The following UNC5D variants were observed in gnomAD, a reference collection of about 807,000 sequenced individuals.
The protein encoded by UNC5D is netrin receptor UNC5D.
In UNC5D, 39 loss-of-function variants were observed where a neutral mutation model predicts 105.4. That is an observed-to-expected ratio of 0.37 (90% CI 0.29 to 0.48). The LOEUF (loss-of-function observed/expected upper bound fraction) is 0.48. Ranked by LOEUF, UNC5D falls within the 20% of genes least tolerant of loss-of-function variation. UNC5D has a pLI of 0.98. For synonymous variants in UNC5D, 452 were observed against 450.4 expected (o/e 1.00, Z -0.04); for missense variants, 991 against 1,202.4 (o/e 0.82, Z 2.60).
At chr8:35,451,140 T>C (rs542946023) in intron 1 of UNC5D, among the ~76,000 whole-genome samples, 1 of 152,006 alleles carries the variant, frequency 6.6e-6, no homozygotes, top group African/African-American at 2.4e-5. Flanking sequence ...GCCTCCTGAT[T>C]TCAAGCAATT....
intron 1 of UNC5D, among the ~76,000 whole-genome samples, chr8:35,512,535 G>GTGTATATA (rs1163798673): frequency 3.9e-4 from 13 of 33,426 alleles, no homozygotes; most frequent in South Asian, 2.3e-3. Context: ...ATTCAGATAT[G>GTGTATATA]TATGTATATA....
chr8:35,303,514 C>A (rs916075973), intron 1 of UNC5D, among the ~76,000 whole-genome samples: 1 of 152,250 alleles, frequency 6.6e-6, no homozygotes. Flanking sequence ...CTCATAAGTG[C>A]TGGAACCAAC....
chr8:35,484,796 CT>C (rs773065914), intron 1 of UNC5D, among the ~76,000 whole-genome samples: 7 of 152,120 alleles, frequency 4.6e-5, no homozygotes, highest in Non-Finnish European at 8.8e-5. Context: ...ATATCTCTTG[CT>C]TGATGCTTAG....
chr8:35,283,668 G>T (rs1441997939), intron 1 of UNC5D, among the ~76,000 whole-genome samples: 1 of 152,100 alleles, frequency 6.6e-6, no homozygotes, highest in African/African-American at 2.4e-5. Context: ...GCTGGGCATG[G>T]TGGCACACAC....
In UNC5D at chr8:35,759,470, G is replaced by C. The variant is rs1317418361; in HGVS notation, c.2313+1G>C. ...AATTAAACCATTCACTGCCTGCCAGGTACTGGCCAAATGGGTTTCTAACAG... is the reference window on the plus strand; with the variant it reads ...AATTAAACCATTCACTGCCTGCCAGCTACTGGCCAAATGGGTTTCTAACAG... On this transcript the variant is annotated splice_donor_variant, in intron 14 of 16. Coordinates refer to ENST00000404895, the MANE Select transcript of UNC5D (RefSeq NM_080872.4). LOFTEE classifies it high-confidence loss of function. The C allele has an allele frequency of 6.2e-7, 1 of 1,610,624 alleles. No individual in the cohort carries two copies.
chr8:35,464,451 A>C (rs1034038818), intron 1 of UNC5D, among the ~76,000 whole-genome samples: 26 of 152,218 alleles, frequency 1.7e-4, no homozygotes, highest in African/African-American at 6.3e-4. Context: ...AACCTTGAGA[A>C]AGCTGAATTA....
intron 1 of UNC5D, among the ~76,000 whole-genome samples, chr8:35,334,299 G>A: frequency 6.6e-6 from 1 of 152,166 alleles, no homozygotes; most frequent in East Asian, 1.9e-4. Flanking sequence ...GATTTTACTA[G>A]CAAGAAGGTA....
At chr8:35,538,146 A>T (rs1265193085) in intron 1 of UNC5D, among the ~76,000 whole-genome samples, 2 of 152,002 alleles carry the variant, frequency 1.3e-5, no homozygotes, top group Non-Finnish European at 2.9e-5. Flanking sequence ...CTTACATAAG[A>T]TGTGTCAGCT....
intron 1 of UNC5D, among the ~76,000 whole-genome samples, chr8:35,494,638 G>T (rs540666414): frequency 6.6e-6 from 1 of 152,142 alleles, no homozygotes; most frequent in African/African-American, 2.4e-5. Flanking sequence ...CGTATACCCT[G>T]GCAGGATTCT....
intron 3 of UNC5D, among the ~76,000 whole-genome samples, chr8:35,579,128 C>T (rs1818307348): frequency 6.6e-6 from 1 of 151,912 alleles, no homozygotes; most frequent in Admixed American, 6.6e-5. Flanking sequence ...AGGAAACTTC[C>T]AACAGATAAT....
chr8:35,616,962 C>T (rs867414145), intron 4 of UNC5D, among the ~76,000 whole-genome samples: 4 of 152,230 alleles, frequency 2.6e-5, no homozygotes, highest in Non-Finnish European at 4.4e-5. Context: ...TCTGGGATGC[C>T]GCCACATAAG....
At chr8:35,715,057 A>T (rs1361052401) in intron 8 of UNC5D, among the ~76,000 whole-genome samples, 1 of 152,224 alleles carries the variant, frequency 6.6e-6, no homozygotes, top group Non-Finnish European at 1.5e-5. Context: ...AGGCTGAGGC[A>T]GGAGAATCAC....
intron 13 of UNC5D, among the ~76,000 whole-genome samples, chr8:35,756,910 A>G (rs1451246587): frequency 6.6e-6 from 1 of 152,202 alleles, no homozygotes; most frequent in Non-Finnish European, 1.5e-5. Flanking sequence ...AGAAAAGGGT[A>G]TATTTGAGAA....
chr8:35,331,626 G>T (rs1313468223), intron 1 of UNC5D, among the ~76,000 whole-genome samples: 2 of 152,150 alleles, frequency 1.3e-5, no homozygotes, highest in African/African-American at 4.8e-5. Context: ...CTTGGAGGGG[G>T]TGCTCTGACT....
chr8:35,385,286 G>A (rs552396443), intron 1 of UNC5D, among the ~76,000 whole-genome samples: 31 of 151,846 alleles, frequency 2.0e-4, no homozygotes, highest in African/African-American at 7.0e-4. Flanking sequence ...TCTTCCCTAG[G>A]GCTGAATTTC....
intron 15 of UNC5D, among the ~76,000 whole-genome samples, chr8:35,769,448 G>C (rs1801913186): frequency 6.6e-6 from 1 of 152,168 alleles, no homozygotes; most frequent in Non-Finnish European, 1.5e-5. Flanking sequence ...TCCAGTACCT[G>C]AAAGTATATG....
rs1428463459 is a variant in UNC5D, at chr8:35,688,134, AAACAAAAAAAAACAAAACAACAAC to A, written c.1084+1440_1084+1463del. On this transcript the variant is annotated intron_variant, in intron 7 of 16. Transcript: ENST00000404895. Reference sequence around the variant, plus strand: ...GTGACAGAGCGAGACTCCGCCTCAAAAACAAAAAAAAACAAAACAACAACAACAAAAAAAAACACACACAAGACT... The same window carrying A: ...GTGACAGAGCGAGACTCCGCCTCAAAAACAAAAAAAAACACACACAAGACT... Among the ~76,000 whole-genome samples the A allele has an allele frequency of 3.4e-5, 5 of 146,932 alleles. No homozygotes were observed. The East Asian group carries it at 9.8e-4, about 29-fold the overall frequency.
intron 1 of UNC5D, among the ~76,000 whole-genome samples, chr8:35,482,165 C>A (rs928112663): frequency 9.9e-5 from 15 of 152,124 alleles, no homozygotes; most frequent in African/African-American, 3.6e-4. Flanking sequence ...CAGAAGTAAT[C>A]CTTTTAATAC....
chr8:35,739,929 A>G (rs1482895831), intron 11 of UNC5D, among the ~76,000 whole-genome samples: 2 of 152,230 alleles, frequency 1.3e-5, no homozygotes, highest in African/African-American at 4.8e-5. Context: ...CCCCACAGTT[A>G]TAATCTTTCT....
Sources: allele counts gnomAD v4.1 joint callset (sites outside exome capture counted in the v4.1 genomes callset), GRCh38; gene constraint gnomAD v4.1.1; transcripts MANE v1.5; gene names NCBI Gene and HGNC (gene_info 2026-07-23, HGNC 2026-07-21).